Variants in UBE2V2 observed in about 807,000 individuals in gnomAD.
The protein encoded by UBE2V2 is ubiquitin conjugating enzyme E2 V2.
Under a neutral mutation model 17.2 loss-of-function variants are expected in UBE2V2, and 9 were observed. The observed-to-expected ratio is 0.52, with a 90% CI of 0.32 to 0.91. The LOEUF (loss-of-function observed/expected upper bound fraction) is 0.91. UBE2V2 is among the 40% of genes least tolerant of loss of function. The pLI, the probability that UBE2V2 is intolerant of heterozygous loss-of-function variation, is 0.04. For synonymous variants in UBE2V2, 61 were observed against 57.5 expected (o/e 1.06, Z -0.28); for missense variants, 133 against 182.6 (o/e 0.73, Z 1.56).
rs529789736 is a variant in UBE2V2 at position 48,049,352 on chromosome 8, AC to A, written c.166-498del. On this transcript the variant is annotated intron_variant, in intron 2 of 3. Coordinates refer to ENST00000523111, the MANE Select transcript of UBE2V2 (RefSeq NM_003350.3). The stretch of plus-strand genomic sequence containing the variant: ...ATCATATAATTTGTTATCCAACAAG[AC>A]CCTTTTGAGAATGAAAGGAGGCACT... Among the ~76,000 whole-genome samples, 492 of 152,292 alleles carry A rather than the reference AC, an allele frequency of 3.2e-3. 2 individuals carry two copies. The highest frequency in any genetic ancestry group is 0.011 in the African/African-American group (460 of 41,562).
chr8:48,047,563 A>T (rs1336138604), intron 2 of UBE2V2, among the ~76,000 whole-genome samples: 3 of 145,466 alleles, frequency 2.1e-5, no homozygotes, highest in East Asian at 2.0e-4. Flanking sequence ...GTTAATTAAA[A>T]TTTTTTTTTT....
At chr8:48,058,969 C>T (rs892833020) in intron 3 of UBE2V2, among the ~76,000 whole-genome samples, 11 of 151,262 alleles carry the variant, frequency 7.3e-5, no homozygotes, top group East Asian at 3.9e-4. Context: ...TGCAGTGTCA[C>T]GATCTCAGCT....
intron 1 of UBE2V2, among the ~76,000 whole-genome samples, chr8:48,024,550 G>A (rs2091326601): frequency 6.6e-6 from 1 of 151,638 alleles, no homozygotes; most frequent in South Asian, 2.1e-4. Flanking sequence ...AGCCGAGATC[G>A]CGCCATTGCA....
chr8:48,050,983 C>A (rs1461883501), intron 3 of UBE2V2, among the ~76,000 whole-genome samples: 1 of 152,110 alleles, frequency 6.6e-6, no homozygotes, highest in African/African-American at 2.4e-5. Context: ...GTATGTGAGA[C>A]TACAAGGCAC....
At chr8:48,045,365 C>A (rs528205968) in intron 2 of UBE2V2, among the ~76,000 whole-genome samples, 2 of 152,224 alleles carry the variant, frequency 1.3e-5, no homozygotes, top group South Asian at 2.1e-4. Flanking sequence ...GATGCAACAG[C>A]GTGATTGGAT....
chr8:48,000,843 A>T, the UBE2V2 span, among the ~76,000 whole-genome samples: 1 of 150,652 alleles, frequency 6.6e-6, no homozygotes, highest in African/African-American at 2.4e-5. Context: ...AAAAAAAAAA[A>T]AAAAAAGAAC....
intron 1 of UBE2V2, among the ~76,000 whole-genome samples, chr8:48,038,963 C>G (rs2091443117): frequency 6.7e-6 from 1 of 148,314 alleles, no homozygotes; most frequent in African/African-American, 2.5e-5. Context: ...GAGTCTTGCT[C>G]TGTCACCCAG....
intron 1 of UBE2V2, chr8:48,041,827 CTT>C (rs970010063): frequency 5.3e-5 from 8 of 149,960 alleles, no homozygotes; most frequent in African/African-American, 1.5e-4. Flanking sequence ...GAATTTCTCT[CTT>C]GTTGCCCAGG....
At chr8:47,999,452 G>A in the UBE2V2 span, among the ~76,000 whole-genome samples, 9 of 151,934 alleles carry the variant, frequency 5.9e-5, no homozygotes, top group Non-Finnish European at 1.0e-4. Flanking sequence ...TGCCTCCCAG[G>A]TTCAAGTGAT....
intron 1 of UBE2V2, among the ~76,000 whole-genome samples, chr8:48,013,998 C>T (rs145869938): frequency 6.6e-6 from 1 of 152,290 alleles, no homozygotes; most frequent in East Asian, 1.9e-4. Flanking sequence ...ATGGACAGAA[C>T]TCGGGTGTGG....
the UBE2V2 span, among the ~76,000 whole-genome samples, chr8:47,998,887 G>C: frequency 6.6e-6 from 1 of 152,148 alleles, no homozygotes; most frequent in African/African-American, 2.4e-5. Context: ...ACAGAATGAG[G>C]GGTTTATATT....
At chr8:48,046,159 G>A (rs2091497411) in intron 2 of UBE2V2, among the ~76,000 whole-genome samples, 1 of 151,508 alleles carries the variant, frequency 6.6e-6, no homozygotes, top group African/African-American at 2.4e-5. Flanking sequence ...TTGCTCAGTC[G>A]CTCAGGCTGG....
chr8:48,018,226 C>T (rs1416376651), intron 1 of UBE2V2, among the ~76,000 whole-genome samples: 2 of 152,136 alleles, frequency 1.3e-5, no homozygotes, highest in African/African-American at 4.8e-5. Context: ...TACAAGGCAT[C>T]TTAATTGGAA....
intron 1 of UBE2V2, among the ~76,000 whole-genome samples, chr8:48,017,017 C>T (rs571318710): frequency 1.4e-4 from 21 of 152,052 alleles, no homozygotes; most frequent in Middle Eastern, 3.4e-3. Flanking sequence ...TCTCAAACGC[C>T]CGACCTCAGG....
At chr8:48,039,253 C>T (rs2091445515) in intron 1 of UBE2V2, among the ~76,000 whole-genome samples, 1 of 152,146 alleles carries the variant, frequency 6.6e-6, no homozygotes, top group African/African-American at 2.4e-5. Flanking sequence ...CTTTTTGCTA[C>T]ATATGTATAT....
At chr8:48,001,583 A>G in the UBE2V2 span, among the ~76,000 whole-genome samples, 1 of 152,274 alleles carries the variant, frequency 6.6e-6, no homozygotes, top group African/African-American at 2.4e-5. Flanking sequence ...TGGGCAACAG[A>G]GTAAGACCCT....
chr8:48,034,965 C>A, intron 1 of UBE2V2: 1 of 968,394 alleles, frequency 1.0e-6, no homozygotes, highest in Non-Finnish European at 1.2e-6. Flanking sequence ...CCAGTTAGGA[C>A]TTCCTCACAT....
upstream of UBE2V2, among the ~76,000 whole-genome samples, chr8:48,003,442 G>T (rs1320342057): frequency 6.6e-6 from 1 of 152,094 alleles, no homozygotes; most frequent in Non-Finnish European, 1.5e-5. Flanking sequence ...AAGAAGCCCA[G>T]TTCCAAATTT....
At chr8:48,024,981 C>T (rs541720723) in intron 1 of UBE2V2, among the ~76,000 whole-genome samples, 3 of 150,000 alleles carry the variant, frequency 2.0e-5, no homozygotes, top group East Asian at 3.9e-4. Context: ...GTTGCCCGGG[C>T]TGGAGTGCAG....
Sources: allele counts gnomAD v4.1 joint callset (sites outside exome capture counted in the v4.1 genomes callset), GRCh38; gene constraint gnomAD v4.1.1; transcripts MANE v1.5; gene names NCBI Gene and HGNC (gene_info 2026-07-23, HGNC 2026-07-21).